ANKRD31: variants seen among roughly 807,000 people sequenced by gnomAD.
ANKRD31 encodes ankyrin repeat domain 31, also known as ankyrin repeat domain-containing protein 31.
Under a neutral mutation model 186.0 loss-of-function variants are expected in ANKRD31, and 147 were observed. The observed-to-expected ratio is 0.79, with a 90% CI of 0.69 to 0.91. The LOEUF (loss-of-function observed/expected upper bound fraction) is 0.91, where lower values mean the gene tolerates loss of function less well. ANKRD31 is among the 40% of genes least tolerant of loss of function. The pLI, the probability that ANKRD31 is intolerant of heterozygous loss-of-function variation, is 0.00. For missense variants in ANKRD31, 1,986 were observed against 2,148.8 expected (o/e 0.92, Z 1.50); for synonymous variants, 673 against 736.4 (o/e 0.91, Z 1.39).
chr5:75,075,918 C>A (rs1744599393), intron 25 of ANKRD31, among the ~76,000 whole-genome samples: 1 of 152,090 alleles, frequency 6.6e-6, no homozygotes, highest in Non-Finnish European at 1.5e-5. Context: ...ACCAAACAGG[C>A]CCAAGAGTAG....
At chr5:75,158,340 A>G (rs1320988639) in intron 11 of ANKRD31, among the ~76,000 whole-genome samples, 1 of 152,230 alleles carries the variant, frequency 6.6e-6, no homozygotes, top group Non-Finnish European at 1.5e-5. Context: ...GATAAAAACA[A>G]GAAAAAAATT....
intron 15 of ANKRD31, among the ~76,000 whole-genome samples, chr5:75,141,649 A>G (rs1162426023): frequency 2.0e-5 from 3 of 151,932 alleles, no homozygotes; most frequent in East Asian, 3.9e-4. Context: ...AAAAAAGAAA[A>G]GAAAAAAAAT....
At chr5:75,095,583 AATC>A (rs1746257790) in intron 22 of ANKRD31, among the ~76,000 whole-genome samples, 1 of 152,178 alleles carries the variant, frequency 6.6e-6, no homozygotes, top group Admixed American at 6.5e-5. Context: ...CCAGGATGTG[AATC>A]ATCCTTTTGT....
At chr5:75,100,893 T>C (rs1746804376) in intron 22 of ANKRD31, among the ~76,000 whole-genome samples, 1 of 152,234 alleles carries the variant, frequency 6.6e-6, no homozygotes, top group African/African-American at 2.4e-5. Context: ...CCACTCTGTG[T>C]CTTTTAATTG....
At position 75,175,652 on chromosome 5, in the gene ANKRD31, C is replaced by CACACAT. The variant is rs765927244; in HGVS notation, c.1565-6532_1565-6531insATGTGT. ...TGAAAATGTTACCTCAGAAAACACACACACACACACACACACACACACACA... is the reference window on the plus strand; with the variant it reads ...TGAAAATGTTACCTCAGAAAACACACACACATACACACACACACACACACACACACA... On this transcript the variant is annotated intron_variant, in intron 10 of 25. Coordinates refer to ENST00000506364, the MANE Select transcript of ANKRD31 (RefSeq NM_001372053.1). Among the ~76,000 whole-genome samples, 207 of 147,218 alleles carry CACACAT rather than the reference C, an allele frequency of 1.4e-3. 1 individual carries two copies. The highest frequency in any genetic ancestry group is 0.01 in the Middle Eastern group (3 of 292).
At chr5:75,082,813 A>G (rs1328726677) in intron 24 of ANKRD31, among the ~76,000 whole-genome samples, 2 of 152,246 alleles carry the variant, frequency 1.3e-5, no homozygotes, top group Non-Finnish European at 2.9e-5. Context: ...ATTCTGCTAG[A>G]ATTAACTAAG....
At chr5:75,084,179 A>G (rs1238966527) in intron 24 of ANKRD31, 93 bp downstream of exon 24, 25 of 894,470 alleles carry the variant, frequency 2.8e-5, no homozygotes, top group Non-Finnish European at 1.4e-5. Context: ...ATTTCACATC[A>G]ATGAGAAAAA....
chr5:75,100,292 T>C (rs1746732909), intron 22 of ANKRD31, among the ~76,000 whole-genome samples: 1 of 152,184 alleles, frequency 6.6e-6, no homozygotes, highest in Non-Finnish European at 1.5e-5. Context: ...GAGAGACAGT[T>C]TGTTATAAAT....
At chr5:75,177,554 C>T (rs1339619176) in intron 10 of ANKRD31, among the ~76,000 whole-genome samples, 2 of 152,078 alleles carry the variant, frequency 1.3e-5, no homozygotes, top group Non-Finnish European at 2.9e-5. Context: ...ACTCTACAAG[C>T]CAGAAGAGAG....
intron 2 of ANKRD31, among the ~76,000 whole-genome samples, chr5:75,225,837 G>C (rs1430880843): frequency 6.6e-6 from 1 of 152,180 alleles, no homozygotes; most frequent in Non-Finnish European, 1.5e-5. Flanking sequence ...CAGCCACAAT[G>C]GGTAGAGCAC....
chr5:75,166,224 C>T (rs1183103996), intron 11 of ANKRD31, among the ~76,000 whole-genome samples: 1 of 152,166 alleles, frequency 6.6e-6, no homozygotes, highest in Non-Finnish European at 1.5e-5. Context: ...AATCCCAGCA[C>T]TTTGGGAGGC....
At position 75,173,801 on chromosome 5, in the gene ANKRD31, C is replaced by A. The variant is rs111831396; in HGVS notation, c.1565-4680G>T. ...AATCAATATGATGAAAATGGCCATA[C>A]TGCCCAAGGTAATTTATAGATTGAA... is the stretch of plus-strand genomic sequence containing the variant. On this transcript the variant is annotated intron_variant, in intron 10 of 25. Coordinates refer to ENST00000506364, the MANE Select transcript of ANKRD31 (RefSeq NM_001372053.1). Among the ~76,000 whole-genome samples, 394 of 152,264 alleles carry A rather than the reference C, an allele frequency of 2.6e-3. 2 individuals are homozygous for A. The highest frequency in any genetic ancestry group is 8.4e-3 in the African/African-American group (351 of 41,540).
chr5:75,215,992 G>A (rs1756936616), intron 3 of ANKRD31, among the ~76,000 whole-genome samples: 1 of 152,114 alleles, frequency 6.6e-6, no homozygotes, highest in South Asian at 2.1e-4. Context: ...ATTTGCTACA[G>A]ATGTTCACAT....
intron 22 of ANKRD31, among the ~76,000 whole-genome samples, chr5:75,092,461 G>A (rs1349368134): frequency 6.6e-6 from 1 of 152,170 alleles, no homozygotes; most frequent in Admixed American, 6.5e-5. Flanking sequence ...TCAATGGGCA[G>A]TAAGTGGAGC....
chr5:75,168,265 G>T (rs1485852065), intron 11 of ANKRD31, among the ~76,000 whole-genome samples: 1 of 152,068 alleles, frequency 6.6e-6, no homozygotes, highest in African/African-American at 2.4e-5. Context: ...CTTAATCCCA[G>T]ATAGTTAATA....
intron 3 of ANKRD31, among the ~76,000 whole-genome samples, chr5:75,214,609 C>T (rs1389388615): frequency 1.3e-5 from 2 of 152,190 alleles, no homozygotes; most frequent in African/African-American, 4.8e-5. Flanking sequence ...CCATTACACA[C>T]ACATCAAACA....
chr5:75,121,817 G>A (rs771596683), intron 17 of ANKRD31, among the ~76,000 whole-genome samples: 1 of 152,148 alleles, frequency 6.6e-6, no homozygotes, highest in Admixed American at 6.5e-5. Flanking sequence ...GCAGCGCTAA[G>A]AGGGAGGTTT....
intron 25 of ANKRD31, among the ~76,000 whole-genome samples, chr5:75,078,391 C>T (rs1417202196): frequency 1.3e-5 from 2 of 152,044 alleles, no homozygotes; most frequent in East Asian, 1.9e-4. Context: ...TCAGTAGGAC[C>T]GTTTTATCTA....
chr5:75,203,308 G>C (rs1755931333), intron 5 of ANKRD31, among the ~76,000 whole-genome samples: 2 of 152,234 alleles, frequency 1.3e-5, no homozygotes, highest in Middle Eastern at 3.4e-3. Context: ...TACTAGAATT[G>C]GGTATGAGAA....
Sources: gnomAD v4.1 joint callset for allele counts (sites outside exome capture counted in the v4.1 genomes callset) on GRCh38, gnomAD v4.1.1 for gene constraint, MANE v1.5 for transcripts, NCBI Gene and HGNC (gene_info 2026-07-23, HGNC 2026-07-21) for gene names.